GPR158: variants seen among roughly 807,000 people sequenced by gnomAD.
GPR158 encodes metabotropic glycine receptor.
In GPR158, 30 loss-of-function variants were observed where a neutral mutation model predicts 78.2. The ratio of observed to expected loss-of-function variants is 0.38; its 90% CI spans 0.29 to 0.52. The LOEUF (loss-of-function observed/expected upper bound fraction) is 0.52, where lower values mean the gene tolerates loss of function less well. Among genes scored for constraint, GPR158 ranks in the 20% least tolerant of loss-of-function variants. The pLI, the probability that GPR158 is intolerant of heterozygous loss-of-function variation, is 0.83. For missense variants in GPR158, 1,463 were observed against 1,523.5 expected (o/e 0.96, Z 0.66); for synonymous variants, 581 against 591.1 (o/e 0.98, Z 0.25).
intron 2 of GPR158, among the ~76,000 whole-genome samples, chr10:25,248,277 T>C (rs1013984261): frequency 5.6e-4 from 85 of 152,200 alleles, no homozygotes; most frequent in African/African-American, 1.9e-3. Flanking sequence ...GCCTATTCAC[T>C]CTGATGGTAG....
chr10:25,443,255 A>G (rs976263140), intron 4 of GPR158, among the ~76,000 whole-genome samples: 2 of 152,064 alleles, frequency 1.3e-5, no homozygotes, highest in Non-Finnish European at 2.9e-5. Context: ...TTGGCTATTA[A>G]AAAAAATTTT....
At chr10:25,365,137 C>T (rs1265117264) in intron 2 of GPR158, among the ~76,000 whole-genome samples, 3 of 151,590 alleles carry the variant, frequency 2.0e-5, no homozygotes, top group South Asian at 4.1e-4. Flanking sequence ...ATATATACAT[C>T]CTGTAAATCT....
At chr10:25,375,977 T>C (rs923466747) in intron 2 of GPR158, among the ~76,000 whole-genome samples, 3 of 151,662 alleles carry the variant, frequency 2.0e-5, no homozygotes, top group Non-Finnish European at 3.0e-5. Context: ...TTGGGAAGAA[T>C]TGACATCTTT....
At chr10:25,234,640 A>G (rs1393533633) in intron 2 of GPR158, among the ~76,000 whole-genome samples, 1 of 152,226 alleles carries the variant, frequency 6.6e-6, no homozygotes, top group African/African-American at 2.4e-5. Context: ...TATTAGAACT[A>G]TATAGAATTC....
At chr10:25,373,594 C>A (rs889668986) in intron 2 of GPR158, among the ~76,000 whole-genome samples, 1 of 151,798 alleles carries the variant, frequency 6.6e-6, no homozygotes, top group African/African-American at 2.4e-5. Flanking sequence ...GATTTAGGTG[C>A]ACTCAACAGC....
chr10:25,216,934 A>T (rs1853224661), intron 1 of GPR158, among the ~76,000 whole-genome samples: 1 of 152,196 alleles, frequency 6.6e-6, no homozygotes, highest in Non-Finnish European at 1.5e-5. Flanking sequence ...GAGGGCCCTG[A>T]TTATGTCATT....
At chr10:25,314,836 T>C (rs60004134) in intron 2 of GPR158, among the ~76,000 whole-genome samples, 11,426 of 120,250 alleles carry the variant, frequency 0.095, 1,126 homozygotes, top group African/African-American at 0.29. Context: ...GTCATACATA[T>C]ACACGTATAT....
chr10:25,237,740 C>T (rs1564398427), intron 2 of GPR158, among the ~76,000 whole-genome samples: 3 of 152,198 alleles, frequency 2.0e-5, no homozygotes, highest in Non-Finnish European at 2.9e-5. Flanking sequence ...TTACTCACTA[C>T]TACTCAGCTA....
Position 25,496,672 on chromosome 10 carries a change from C to T in GPR158, c.1404+29953C>T, listed in dbSNP as rs144489074. On this transcript the variant is annotated intron_variant, in intron 5 of 10. Transcript: ENST00000376351. ...TTTGCATTAGATAAGGATTATCCTA[C>T]AAGAGCAGCATGTGGGTACACCTTA... Among the ~76,000 whole-genome samples the T allele has an allele frequency of 4.6e-3, 693 of 152,266 alleles. 3 individuals carry two copies. The highest frequency in any genetic ancestry group is 6.9e-3 in the Non-Finnish European group (470 of 68,020).
chr10:25,273,842 G>T (rs1050261525), intron 2 of GPR158, among the ~76,000 whole-genome samples: 1 of 151,612 alleles, frequency 6.6e-6, no homozygotes, highest in African/African-American at 2.4e-5. Flanking sequence ...ACCACACCCG[G>T]CTAATTTTTT....
At chr10:25,539,080 C>A (rs1035339267) in intron 5 of GPR158, among the ~76,000 whole-genome samples, 1 of 152,040 alleles carries the variant, frequency 6.6e-6, no homozygotes, top group African/African-American at 2.4e-5. Context: ...TGTGCTTTTC[C>A]TTGAGCCGCT....
At chr10:25,550,884 C>T in intron 5 of GPR158, 92 bp from the exon 6 acceptor site, 1 of 740,804 alleles carries the variant, frequency 1.3e-6, no homozygotes, top group Middle Eastern at 2.4e-4. Flanking sequence ...TATCAAAATT[C>T]ATATGTATGA....
At chr10:25,379,123 T>C (rs1483681745) in intron 2 of GPR158, among the ~76,000 whole-genome samples, 2 of 152,180 alleles carry the variant, frequency 1.3e-5, no homozygotes, top group African/African-American at 4.8e-5. Flanking sequence ...TTAATTTCAA[T>C]ATACGTCTTA....
intron 7 of GPR158, among the ~76,000 whole-genome samples, chr10:25,585,028 C>T (rs937873247): frequency 3.3e-5 from 5 of 152,188 alleles, no homozygotes; most frequent in Admixed American, 3.3e-4. Context: ...AGTGGGAGGT[C>T]CCAGGTTACA....
At chr10:25,455,254 G>A (rs1835275186) in intron 4 of GPR158, among the ~76,000 whole-genome samples, 1 of 152,146 alleles carries the variant, frequency 6.6e-6, no homozygotes, top group Non-Finnish European at 1.5e-5. Context: ...AAGAGGTTTA[G>A]TCTGAAGACA....
chr10:25,548,471 T>C (rs1257612229), intron 5 of GPR158, among the ~76,000 whole-genome samples: 1 of 152,224 alleles, frequency 6.6e-6, no homozygotes, highest in African/African-American at 2.4e-5. Context: ...ATACTCATTG[T>C]ACCAGGCACT....
At chr10:25,459,043 T>C (rs943760641) in intron 4 of GPR158, among the ~76,000 whole-genome samples, 13 of 152,350 alleles carry the variant, frequency 8.5e-5, no homozygotes, top group Middle Eastern at 3.4e-3. Context: ...ATATAGTCTA[T>C]TCTTTTCCAT....
At chr10:25,279,901 C>T (rs1193943638) in intron 2 of GPR158, among the ~76,000 whole-genome samples, 1 of 151,164 alleles carries the variant, frequency 6.6e-6, no homozygotes, top group Non-Finnish European at 1.5e-5. Flanking sequence ...AACCACTGGG[C>T]TGTACCACTA....
At chr10:25,492,362 A>G (rs1009700439) in intron 5 of GPR158, among the ~76,000 whole-genome samples, 36 of 151,936 alleles carry the variant, frequency 2.4e-4, no homozygotes, top group Admixed American at 1.8e-3. Context: ...TTGCTTACAG[A>G]CTTTCCCCCA....
Sources: gnomAD v4.1 joint callset for allele counts (sites outside exome capture counted in the v4.1 genomes callset) on GRCh38, gnomAD v4.1.1 for gene constraint, MANE v1.5 for transcripts, NCBI Gene and HGNC (gene_info 2026-07-23, HGNC 2026-07-21) for gene names.